EIF3H: variants seen among roughly 807,000 people sequenced by gnomAD.
The protein encoded by EIF3H is eukaryotic translation initiation factor 3 subunit H, also known as eIF-3-gamma.
In EIF3H, 26 loss-of-function variants were observed where a neutral mutation model predicts 44.2. That is an observed-to-expected ratio of 0.59 (90% CI 0.43 to 0.82). The LOEUF is 0.82. EIF3H is among the 40% of genes least tolerant of loss of function. The pLI, the probability that EIF3H is intolerant of heterozygous loss-of-function variation, is 0.00. For missense variants in EIF3H, 359 were observed against 432.8 expected, an observed-to-expected ratio of 0.83 and a Z score of 1.51; for synonymous variants, 166 against 151.9, an observed-to-expected ratio of 1.09 and a Z score of -0.68.
intron 2 of EIF3H, among the ~76,000 whole-genome samples, chr8:116,670,805 C>T (rs1346007893): frequency 2.0e-5 from 3 of 152,166 alleles, no homozygotes; most frequent in Non-Finnish European, 4.4e-5. Flanking sequence ...AAGCAACCAA[C>T]AATCCTGTTA....
chr8:116,647,517 C>T (rs1397347961), intron 6 of EIF3H, among the ~76,000 whole-genome samples: 1 of 152,180 alleles, frequency 6.6e-6, no homozygotes, highest in South Asian at 2.1e-4. Context: ...TCCTATGATT[C>T]GCTGAAGAGA....
At chr8:116,743,904 T>C (rs987388365) in intron 1 of EIF3H, among the ~76,000 whole-genome samples, 2 of 150,104 alleles carry the variant, frequency 1.3e-5, no homozygotes, top group Middle Eastern at 3.5e-3. Flanking sequence ...TTCCAAAGGG[T>C]TGAGTTTTAG....
chr8:116,678,034 T>C (rs1208524647), intron 2 of EIF3H, among the ~76,000 whole-genome samples: 1 of 152,158 alleles, frequency 6.6e-6, no homozygotes, highest in African/African-American at 2.4e-5. Flanking sequence ...CTCCCTCTGA[T>C]GCCGAGCCAA....
chr8:116,760,279 C>G (rs930232986), upstream of EIF3H, among the ~76,000 whole-genome samples: 17 of 152,310 alleles, frequency 1.1e-4, no homozygotes, highest in African/African-American at 3.8e-4. Context: ...ACCTCTCCCC[C>G]AGTCATAGAA....
intron 1 of EIF3H, among the ~76,000 whole-genome samples, chr8:116,763,261 A>G (rs1022355568): frequency 3.7e-4 from 56 of 152,208 alleles, no homozygotes; most frequent in African/African-American, 1.2e-3. Context: ...ATAACAGAGT[A>G]TCTCTACATA....
chr8:116,651,319 G>A (rs529896802), intron 5 of EIF3H, among the ~76,000 whole-genome samples: 1 of 152,302 alleles, frequency 6.6e-6, no homozygotes, highest in South Asian at 2.1e-4. Context: ...GGAGGCATCA[G>A]AGAGGAATGG....
intron 1 of EIF3H, among the ~76,000 whole-genome samples, chr8:116,747,738 A>G (rs919827354): frequency 6.6e-6 from 1 of 152,212 alleles, no homozygotes; most frequent in African/African-American, 2.4e-5. Flanking sequence ...TAAATTCATA[A>G]GAGTATCACA....
chr8:116,643,629 T>C lies in EIF3H; in HGVS notation c.*1377A>G, dbSNP rs543580272. 2 of 152,176 alleles carry C rather than the reference T, an allele frequency of 1.3e-5. No individual in the cohort carries two copies. The highest frequency in any genetic ancestry group is 2.9e-5 in the Non-Finnish European group (2 of 68,044). The allele number at this position is 152,176 out of a possible 1,614,324, so 9.4% of individuals were successfully genotyped here. A position where few individuals can be genotyped will look rare whatever the true frequency, so the allele number is the denominator to read the frequency against. ...AGACCTGCTCTCATTTCTTATCTTA[T>C]CTGGTTGACAAAAAGTGAGGCACAG... On this transcript the variant is annotated 3_prime_UTR_variant, in exon 8 of 8. Coordinates refer to ENST00000521861, the MANE Select transcript of EIF3H (RefSeq NM_003756.3).
At chr8:116,745,092 G>T (rs1278595748) in intron 1 of EIF3H, among the ~76,000 whole-genome samples, 1 of 152,274 alleles carries the variant, frequency 6.6e-6, no homozygotes, top group African/African-American at 2.4e-5. Flanking sequence ...GAAGGCAAAA[G>T]ATAAAAAATG....
rs545627349 is a variant in EIF3H, at chr8:116,653,594, T to A, written c.707+2262A>T. Among the ~76,000 whole-genome samples, 13 of 152,260 alleles carry A rather than the reference T, an allele frequency of 8.5e-5. No homozygotes were observed. The South Asian group carries it at 2.5e-3, about 29-fold the overall frequency. ...AACAGATGTGAACCAGGACATGAAG[T>A]GTTAAGTCTGCTCTGGCTACAGTAT... On this transcript the variant is annotated intron_variant, in intron 5 of 7. Transcript: ENST00000521861.
At chr8:116,674,892 G>T (rs1462737575) in intron 2 of EIF3H, among the ~76,000 whole-genome samples, 4 of 150,876 alleles carry the variant, frequency 2.7e-5, no homozygotes, top group Non-Finnish European at 5.9e-5. Flanking sequence ...AAAAAAAGTT[G>T]TTTTTTTTTA....
chr8:116,724,073 C>G (rs925634809), intron 2 of EIF3H, among the ~76,000 whole-genome samples: 1 of 151,972 alleles, frequency 6.6e-6, no homozygotes, highest in African/African-American at 2.4e-5. Context: ...TGGAGTAATC[C>G]AAAAAGTGTA....
intron 2 of EIF3H, among the ~76,000 whole-genome samples, chr8:116,708,517 T>C (rs1814510469): frequency 6.6e-6 from 1 of 152,038 alleles, no homozygotes; most frequent in Non-Finnish European, 1.5e-5. Context: ...ATAAATTTCA[T>C]TCAATTATAT....
chr8:116,753,163 C>G (rs1815387169), intron 1 of EIF3H, among the ~76,000 whole-genome samples: 1 of 151,972 alleles, frequency 6.6e-6, no homozygotes, highest in Non-Finnish European at 1.5e-5. Flanking sequence ...ATCTAGCTGC[C>G]TAAAACCATA....
chr8:116,742,477 T>C (rs927188103), intron 1 of EIF3H, among the ~76,000 whole-genome samples: 1 of 152,238 alleles, frequency 6.6e-6, no homozygotes, highest in African/African-American at 2.4e-5. Flanking sequence ...TTTTCCCACA[T>C]GTACCTGGTT....
intron 2 of EIF3H, among the ~76,000 whole-genome samples, chr8:116,663,558 G>T (rs1215451763): frequency 3.3e-5 from 5 of 152,150 alleles, no homozygotes; most frequent in Admixed American, 6.5e-5. Flanking sequence ...TAGTAGAAAA[G>T]AACCTTTTAG....
At chr8:116,755,639 G>A (rs1371766871) in intron 1 of EIF3H, 27 bp downstream of exon 1, 13 of 1,613,446 alleles carry the variant, frequency 8.1e-6, no homozygotes, top group Non-Finnish European at 9.3e-6. Context: ...TCCCCACGTG[G>A]GCCAGAGGAA....
chr8:116,753,872 G>C (rs1217305301), intron 1 of EIF3H, among the ~76,000 whole-genome samples: 1 of 152,140 alleles, frequency 6.6e-6, no homozygotes, highest in Non-Finnish European at 1.5e-5. Context: ...TTCAACTCTG[G>C]AAACTAAGTG....
intron 2 of EIF3H, among the ~76,000 whole-genome samples, chr8:116,668,996 C>T (rs866168516): frequency 9.9e-5 from 15 of 152,134 alleles, no homozygotes; most frequent in African/African-American, 3.4e-4. Context: ...TTTCTCATCT[C>T]CATATTGGCG....
Sources: gnomAD v4.1 joint callset for allele counts (sites outside exome capture counted in the v4.1 genomes callset) on GRCh38, gnomAD v4.1.1 for gene constraint, MANE v1.5 for transcripts, NCBI Gene and HGNC (gene_info 2026-07-23, HGNC 2026-07-21) for gene names.